ANO1: variants seen among roughly 807,000 people sequenced by gnomAD.
ANO1 encodes anoctamin 1.
A neutral mutation model predicts 124.0 loss-of-function variants in ANO1; 59 were observed. That is an observed-to-expected ratio of 0.48 (90% CI 0.39 to 0.59). ANO1 has a LOEUF of 0.59. ANO1 is among the 20% of genes least tolerant of loss of function. The pLI, the probability that ANO1 is intolerant of heterozygous loss-of-function variation, is 0.00. For missense variants in ANO1, 1,059 were observed against 1,328.0 expected, an observed-to-expected ratio of 0.80 and a Z score of 3.15; for synonymous variants, 529 against 532.0, an observed-to-expected ratio of 0.99 and a Z score of 0.08.
intron 2 of ANO1, among the ~76,000 whole-genome samples, chr11:70,098,731 C>T (rs1386240170): frequency 6.6e-6 from 1 of 152,176 alleles, no homozygotes; most frequent in Non-Finnish European, 1.5e-5. Flanking sequence ...GAGTCCCATC[C>T]GTGGCCAAGA....
Position 70,187,062 on chromosome 11 carries a change from G to A in ANO1, c.2695-676G>A, listed in dbSNP as rs190418427. On this transcript the variant is annotated intron_variant, in intron 25 of 25. Transcript: ENST00000355303. Reference sequence around the variant, plus strand: ...TCACTGCTTTGGGCTGACCAGGCTGGGAAGAGGGAGATGGGATGGGGCATA... The same window carrying A: ...TCACTGCTTTGGGCTGACCAGGCTGAGAAGAGGGAGATGGGATGGGGCATA... 1.2e-4 allele frequency among the ~76,000 whole-genome samples: 18 copies of A among 152,322 alleles called. No homozygotes were observed. In the East Asian group the frequency reaches 2.3e-3, roughly 20 times the overall value.
Position 70,182,522 on chromosome 11 carries a change from G to A in ANO1, c.2424G>A (p.Thr808=), listed in dbSNP as rs753467790. Residue 808 remains threonine, a synonymous_variant, in exon 24 of 26, where the codon ACG becomes ACA. Coordinates refer to ENST00000355303, the MANE Select transcript of ANO1 (RefSeq NM_018043.7). ...CACAGGCCTTCGTGATCTCCTTCAC[G>A]TCTGACTTCATCCCGCGCCTGGTGT... is the stretch of plus-strand genomic sequence containing the variant. ...VIINAFVISF[T]SDFIPRLVYL... is the part of the protein sequence containing the mutation. 40 of 1,595,530 alleles carry A rather than the reference G, an allele frequency of 2.5e-5. No homozygotes were observed. Among genetic ancestry groups the A allele is most frequent in the East Asian group, 6.8e-5 (3 of 44,120 alleles).
At chr11:70,126,326 C>G in intron 10 of ANO1, 131 bp downstream of exon 10, 6 of 1,194,954 alleles carry the variant, frequency 5.0e-6, no homozygotes, top group African/African-American at 1.5e-5. Flanking sequence ...CACGCCAAGC[C>G]ACGAGCCGTC....
intron 1 of ANO1, among the ~76,000 whole-genome samples, chr11:70,057,150 T>A (rs1448807753): frequency 6.6e-6 from 1 of 152,228 alleles, no homozygotes; most frequent in Non-Finnish European, 1.5e-5. Context: ...TGGTTCTTAA[T>A]CATTTAGCTC....
the ANO1 span, among the ~76,000 whole-genome samples, chr11:69,976,504 C>A: frequency 2.0e-5 from 2 of 102,120 alleles, no homozygotes; most frequent in Non-Finnish European, 1.8e-5. Flanking sequence ...AAAACTCCGT[C>A]TCTAAAAAAA....
intron 1 of ANO1, among the ~76,000 whole-genome samples, chr11:70,017,150 T>C (rs1856716880): frequency 6.6e-6 from 1 of 152,168 alleles, no homozygotes; most frequent in South Asian, 2.1e-4. Flanking sequence ...CCAAGGTGTG[T>C]CTTCTCTCCC....
intron 1 of ANO1, among the ~76,000 whole-genome samples, chr11:70,052,934 T>C (rs1190228201): frequency 6.6e-6 from 1 of 152,208 alleles, no homozygotes; most frequent in African/African-American, 2.4e-5. Flanking sequence ...CAGTTTTCTT[T>C]TGTCTCTCTT....
At chr11:70,085,478 G>A (rs1328601416) in intron 1 of ANO1, 1 of 1,536,044 alleles carries the variant, frequency 6.5e-7, no homozygotes, top group East Asian at 2.4e-5. Context: ...TTACTGTAGA[G>A]AGAAGTCAGT....
chr11:70,013,915 C>G (rs746043176), intron 1 of ANO1, among the ~76,000 whole-genome samples: 10 of 152,056 alleles, frequency 6.6e-5, no homozygotes, highest in Non-Finnish European at 1.5e-4. Context: ...GCTGCCAAGC[C>G]TGGTTCCTGC....
Position 70,156,022 on chromosome 11 carries a change from G to A in ANO1, c.1503+34G>A, listed in dbSNP as rs557917774. ...CTATTTTGCGGGCAGCGCGCGTCTT[G>A]ACTGTTTGCAGGCAATCAAAGTCGA... On this transcript the variant is annotated intron_variant, in intron 15 of 25. Coordinates refer to ENST00000355303, the MANE Select transcript of ANO1 (RefSeq NM_018043.7). 5 of 1,467,600 alleles carry A rather than the reference G, an allele frequency of 3.4e-6. No homozygotes were observed. The African/African-American group carries it at 4.4e-5, about 13-fold the overall frequency. 90.9% of individuals were successfully genotyped at this position (1,467,600 alleles called of 1,614,324 possible).
At chr11:70,131,807 C>T in intron 10 of ANO1, 112 bp from the exon 11 acceptor site, 1 of 1,347,578 alleles carries the variant, frequency 7.4e-7, no homozygotes, top group Non-Finnish European at 1.0e-6. Context: ...CTGAGGGACC[C>T]TCGCCAACCC....
At chr11:69,998,599 G>C (rs1554998757) in intron 1 of ANO1, among the ~76,000 whole-genome samples, 2 of 152,252 alleles carry the variant, frequency 1.3e-5, no homozygotes, top group East Asian at 3.9e-4. Context: ...TTATATCTCT[G>C]ATAAATATAT....
At chr11:70,035,366 CTTA>C (rs1294095080) in intron 1 of ANO1, among the ~76,000 whole-genome samples, 2 of 151,744 alleles carry the variant, frequency 1.3e-5, no homozygotes, top group African/African-American at 2.4e-5. Flanking sequence ...GAACTTTTCA[CTTA>C]TTATGACCCT....
intron 1 of ANO1, among the ~76,000 whole-genome samples, chr11:70,008,689 C>T (rs1415224972): frequency 6.6e-6 from 1 of 151,038 alleles, no homozygotes; most frequent in Non-Finnish European, 1.5e-5. Flanking sequence ...TCTTTGGCAA[C>T]ATGCACCTCA....
chr11:70,186,555 C>T (rs939185533), intron 25 of ANO1, among the ~76,000 whole-genome samples: 3 of 151,958 alleles, frequency 2.0e-5, no homozygotes, highest in Non-Finnish European at 4.4e-5. Flanking sequence ...CTGGCCCAGT[C>T]TCTAGGGAGG....
chr11:70,131,210 A>G (rs1436104380), intron 10 of ANO1, among the ~76,000 whole-genome samples: 1 of 151,980 alleles, frequency 6.6e-6, no homozygotes, highest in South Asian at 2.1e-4. Context: ...ATCTACCACA[A>G]AGCAGGTCTG....
At chr11:70,004,293 A>AGT (rs35564666) in intron 1 of ANO1, among the ~76,000 whole-genome samples, 73,952 of 151,974 alleles carry the variant, frequency 0.49, 19,252 homozygotes, top group East Asian at 0.89. Context: ...CATGAGAGAG[A>AGT]GTGTGTGCAA....
At chr11:70,125,557 A>G (rs1248230051) in intron 9 of ANO1, among the ~76,000 whole-genome samples, 1 of 150,350 alleles carries the variant, frequency 6.7e-6, no homozygotes, top group Non-Finnish European at 1.5e-5. Context: ...AAAAAGAAAG[A>G]GAAGAGGCTG....
chr11:70,100,555 G>A (rs1590730507), intron 2 of ANO1, among the ~76,000 whole-genome samples: 1 of 152,196 alleles, frequency 6.6e-6, no homozygotes. Flanking sequence ...CATGGCCCTG[G>A]AGACACTTTG....
Sources: allele counts gnomAD v4.1 joint callset (sites outside exome capture counted in the v4.1 genomes callset), GRCh38; gene constraint gnomAD v4.1.1; transcripts MANE v1.5; gene names NCBI Gene and HGNC (gene_info 2026-07-23, HGNC 2026-07-21).